ELAVL1: variants seen among roughly 807,000 people sequenced by gnomAD.
ELAVL1 encodes ELAV like RNA binding protein 1, also known as ELAV-like protein 1.
A neutral mutation model predicts 28.4 loss-of-function variants in ELAVL1; 1 was observed. That is an observed-to-expected ratio of 0.04 (90% CI 0.01 to 0.17). The LOEUF (loss-of-function observed/expected upper bound fraction) is 0.17. Among genes scored for constraint, ELAVL1 ranks in the 10% least tolerant of loss-of-function variants. The pLI is 1.00. For synonymous variants in ELAVL1, 174 were observed against 183.5 expected (o/e 0.95, Z 0.42); for missense variants, 157 against 447.2 (o/e 0.35, Z 5.85).
At chr19:7,996,719 A>C (rs539532622) in intron 1 of ELAVL1, among the ~76,000 whole-genome samples, 2 of 152,202 alleles carry the variant, frequency 1.3e-5, no homozygotes, top group East Asian at 3.9e-4. Flanking sequence ...AGGCTGAGGC[A>C]GGAGAATCGC....
At chr19:8,002,164 GAT>G (rs1341703542) in intron 1 of ELAVL1, 1 of 1,268,274 alleles carries the variant, frequency 7.9e-7, no homozygotes, top group African/African-American at 1.5e-5. Flanking sequence ...TTGAACACAC[GAT>G]GTTCTCTGAA....
intron 5 of ELAVL1, among the ~76,000 whole-genome samples, chr19:7,964,441 G>GA (rs1380471755): frequency 6.6e-6 from 1 of 152,064 alleles, no homozygotes; most frequent in Non-Finnish European, 1.5e-5. Flanking sequence ...GAACTCAAGG[G>GA]ACAGGGAAGG....
intron 1 of ELAVL1, among the ~76,000 whole-genome samples, chr19:7,992,518 C>T (rs887009284): frequency 6.6e-6 from 1 of 152,128 alleles, no homozygotes; most frequent in Non-Finnish European, 1.5e-5. Flanking sequence ...ATGATTCCAA[C>T]TCTATGACCT....
chr19:7,984,682 T>C (rs940764327), intron 2 of ELAVL1, among the ~76,000 whole-genome samples: 1 of 151,980 alleles, frequency 6.6e-6, no homozygotes. Context: ...CCTGGCTTCA[T>C]CCCCAGAATC....
intron 3 of ELAVL1, among the ~76,000 whole-genome samples, chr19:7,975,241 T>C (rs1476992850): frequency 6.6e-6 from 1 of 152,178 alleles, no homozygotes; most frequent in Non-Finnish European, 1.5e-5. Context: ...TGCAGACCTG[T>C]CTGGACTGGG....
At chr19:7,984,606 A>C (rs1187745806) in intron 2 of ELAVL1, among the ~76,000 whole-genome samples, 6 of 152,144 alleles carry the variant, frequency 3.9e-5, no homozygotes, top group African/African-American at 1.4e-4. Context: ...GGAATGCCCC[A>C]CCCAGAGGAC....
intron 5 of ELAVL1, among the ~76,000 whole-genome samples, chr19:7,966,192 A>T (rs552449814): frequency 1.1e-4 from 16 of 149,256 alleles, no homozygotes; most frequent in African/African-American, 2.9e-4. Flanking sequence ...ATTAAAAATT[A>T]AAAAAAAAAG....
intron 4 of ELAVL1, chr19:7,972,800 C>CTTTTTTTT (rs386388490): frequency 1.7e-4 from 7 of 42,050 alleles, no homozygotes; most frequent in East Asian, 7.0e-4. Flanking sequence ...CTGCAGTATC[C>CTTTTTTTT]TTTTTTTTTT....
rs1985446975 is a variant in ELAVL1, at chr19:7,981,012, G to A, written c.276+71C>T. 1 of 1,475,172 alleles carries A rather than the reference G, an allele frequency of 6.8e-7. No homozygotes were observed. Among genetic ancestry groups the A allele is most frequent in the South Asian group, 1.1e-5 (1 of 87,782 alleles). 91.4% of individuals were successfully genotyped at this position (1,475,172 alleles called of 1,614,324 possible). On this transcript the variant is annotated intron_variant, in intron 3 of 5. Coordinates refer to ENST00000407627, the MANE Select transcript of ELAVL1 (RefSeq NM_001419.3). The surrounding 1 kb of genome is among the most constrained non-coding windows in gnomAD (Gnocchi z 4.2). ...ATAGTCCCTTGGAGAGTGACTGTGA[G>A]GCTGGGCGGGGCTCAGCACAGACCT...
In ELAVL1 at chr19:7,963,826, G is replaced by C. The variant is rs1269215917; in HGVS notation, c.657-19C>G. ...GGAGAACCTGGCAGACAGAGAGCAA[G>C]CGTCAGGCCACGGTCAGCGCAGGCG... is the stretch of plus-strand genomic sequence containing the variant. On this transcript the variant is annotated intron_variant, in intron 5 of 5. Transcript: ENST00000407627. This position sits in a 1 kb window ranked among gnomAD's most constrained non-coding sequence, Gnocchi z 4.5. 8.7e-6 allele frequency: 14 copies of C among 1,609,776 alleles called. No homozygotes were observed. Among genetic ancestry groups the C allele is most frequent in the Non-Finnish European group, 1.2e-5 (14 of 1,177,082 alleles).
chr19:7,974,182 C>T (rs761894159), intron 3 of ELAVL1, among the ~76,000 whole-genome samples: 39 of 151,966 alleles, frequency 2.6e-4, no homozygotes, highest in Non-Finnish European at 3.7e-4. Context: ...GTGGCTACCT[C>T]TCTGATGTGC....
At position 7,997,196 on chromosome 19, in the gene ELAVL1, T is replaced by C. The variant is rs373631288; in HGVS notation, c.-16-5365A>G. Among the ~76,000 whole-genome samples the C allele has an allele frequency of 2.0e-5, 3 of 152,186 alleles. No individual in the cohort carries two copies. The East Asian group carries it at 5.8e-4, about 29-fold the overall frequency. Reference sequence around the variant, plus strand: ...TGGGATCCAGCAATCCTACTCCTAGTATTAAGGCAATAGAAAGGAAAATCT... The same window carrying C: ...TGGGATCCAGCAATCCTACTCCTAGCATTAAGGCAATAGAAAGGAAAATCT... On this transcript the variant is annotated intron_variant, in intron 1 of 5. Coordinates refer to ENST00000407627, the MANE Select transcript of ELAVL1 (RefSeq NM_001419.3).
intron 1 of ELAVL1, among the ~76,000 whole-genome samples, chr19:7,993,535 C>T (rs773127880): frequency 6.6e-6 from 1 of 152,214 alleles, no homozygotes; most frequent in Non-Finnish European, 1.5e-5. Context: ...TGAAGTCTTT[C>T]CTTTCAGTGA....
Position 7,981,023 on chromosome 19 carries a change from G to C in ELAVL1, c.276+60C>G. On this transcript the variant is annotated intron_variant, in intron 3 of 5. Coordinates refer to ENST00000407627, the MANE Select transcript of ELAVL1 (RefSeq NM_001419.3). This position sits in a 1 kb window ranked among gnomAD's most constrained non-coding sequence, Gnocchi z 4.2. ...GAGAGTGACTGTGAGGCTGGGCGGG[G>C]CTCAGCACAGACCTGTGCCCAGGGC... is the stretch of plus-strand genomic sequence containing the variant. 6.5e-7 allele frequency: 1 copy of C among 1,549,036 alleles called. No homozygotes were observed. Among genetic ancestry groups the C allele is most frequent in the Non-Finnish European group, 8.9e-7 (1 of 1,122,212 alleles).
At chr19:7,977,365 C>T (rs1276690586) in intron 3 of ELAVL1, among the ~76,000 whole-genome samples, 2 of 152,222 alleles carry the variant, frequency 1.3e-5, no homozygotes, top group African/African-American at 4.8e-5. Flanking sequence ...TGTTTCACTA[C>T]TCGAAACATC....
intron 3 of ELAVL1, among the ~76,000 whole-genome samples, chr19:7,976,511 C>CA (rs919529776): frequency 1.1e-4 from 17 of 152,266 alleles, no homozygotes; most frequent in East Asian, 9.6e-4. Context: ...TGGAGGCAGA[C>CA]ACTGGGGTGA....
chr19:7,997,849 G>T (rs2081054705), intron 1 of ELAVL1, among the ~76,000 whole-genome samples: 3 of 152,038 alleles, frequency 2.0e-5, no homozygotes, highest in Admixed American at 1.3e-4. Context: ...TAATCGGGGG[G>T]CTCAGCTGGG....
At chr19:7,967,903 G>C in intron 4 of ELAVL1, 113 bp from the exon 5 acceptor site, 2 of 1,138,254 alleles carry the variant, frequency 1.8e-6, no homozygotes, top group Non-Finnish European at 2.5e-6. Flanking sequence ...GTCTGGTTAA[G>C]GAAATAAACA....
At chr19:7,996,639 C>T (rs1378902520) in intron 1 of ELAVL1, among the ~76,000 whole-genome samples, 1 of 151,760 alleles carries the variant, frequency 6.6e-6, no homozygotes, top group Non-Finnish European at 1.5e-5. Flanking sequence ...AACCCCATCT[C>T]TACAAAAATA....
Sources: gnomAD v4.1 joint callset for allele counts (sites outside exome capture counted in the v4.1 genomes callset) on GRCh38, gnomAD v4.1.1 for gene constraint, Gnocchi (gnomAD v3.1) non-coding constraint, MANE v1.5 for transcripts, NCBI Gene and HGNC (gene_info 2026-07-23, HGNC 2026-07-21) for gene names.